Variants in NEBL observed in about 807,000 individuals in gnomAD.
NEBL encodes LIM and SH3 protein 2.
Under a neutral mutation model 140.2 loss-of-function variants are expected in NEBL, and 122 were observed. The observed-to-expected ratio is 0.87, with a 90% CI of 0.75 to 1.01. The LOEUF (loss-of-function observed/expected upper bound fraction) is 1.01, where lower values mean the gene tolerates loss of function less well. NEBL is among the 50% of genes least tolerant of loss of function. The pLI is 0.00. For missense variants in NEBL, 1,365 were observed against 1,231.3 expected (o/e 1.11, Z -1.62); for synonymous variants, 436 against 398.9 (o/e 1.09, Z -1.11).
upstream of NEBL, among the ~76,000 whole-genome samples, chr10:21,179,469 C>A (rs943640724): frequency 3.3e-5 from 5 of 151,862 alleles, no homozygotes; most frequent in East Asian, 9.7e-4. Context: ...CCCTACCAAT[C>A]AATGACCCCC....
chr10:21,001,545 G>A (rs139211769), intron 3 of NEBL, among the ~76,000 whole-genome samples: 93 of 152,202 alleles, frequency 6.1e-4, no homozygotes, highest in African/African-American at 2.1e-3. Flanking sequence ...TCAATTTTCA[G>A]TAATTAGGAG....
In NEBL at chr10:20,888,219, A is replaced by G. The variant is rs1846702495; in HGVS notation, c.259-12T>C. On this transcript the variant is annotated splice_polypyrimidine_tract_variant and intron_variant, in intron 3 of 27. Transcript: ENST00000377122. ...CCTTTGTATTTTGCCTGGGGGAAAA[A>G]AAAACAGGAAAAAAATAAATAAATA... 7 of 1,397,518 alleles carry G rather than the reference A, an allele frequency of 5.0e-6. No homozygotes were observed. The highest frequency in any genetic ancestry group is 1.7e-5 in the African/African-American group (1 of 60,448). The allele number at this position is 1,397,518 out of a possible 1,614,324, so 86.6% of individuals were successfully genotyped here.
chr10:21,219,541 G>A (rs1325443123), intron 3 of NEBL, among the ~76,000 whole-genome samples: 2 of 152,188 alleles, frequency 1.3e-5, no homozygotes, highest in East Asian at 1.9e-4. Flanking sequence ...AAATGAAGTA[G>A]TGTGATGCCT....
chr10:20,796,232 G>A (rs1836507831), intron 26 of NEBL, among the ~76,000 whole-genome samples: 2 of 151,858 alleles, frequency 1.3e-5, no homozygotes, highest in Admixed American at 1.3e-4. Context: ...GCGTAGTGGT[G>A]GGCGCCCGTT....
intron 3 of NEBL, among the ~76,000 whole-genome samples, chr10:21,183,816 G>A (rs1201096278): frequency 1.3e-5 from 2 of 152,072 alleles, no homozygotes; most frequent in Non-Finnish European, 2.9e-5. Context: ...CATGTGTTGT[G>A]GGAAGGACCC....
intron 12 of NEBL, among the ~76,000 whole-genome samples, chr10:20,841,803 T>C (rs1841431880): frequency 6.6e-6 from 1 of 152,084 alleles, no homozygotes; most frequent in Non-Finnish European, 1.5e-5. Flanking sequence ...TGGTTCTGTT[T>C]TCTCTATTGG....
chr10:21,263,476 T>C (rs984079085), intron 1 of NEBL, among the ~76,000 whole-genome samples: 1 of 151,726 alleles, frequency 6.6e-6, no homozygotes, highest in Non-Finnish European at 1.5e-5. Flanking sequence ...GCGGGGGAGG[T>C]TGTGAAACTT....
chr10:21,220,030 AG>A (rs1429899089), intron 3 of NEBL, among the ~76,000 whole-genome samples: 2 of 152,024 alleles, frequency 1.3e-5, no homozygotes, highest in African/African-American at 4.8e-5. Flanking sequence ...CTCCTACCTC[AG>A]CCTCCCAAGT....
In NEBL at chr10:20,787,231, T is replaced by C; in HGVS notation, c.2839A>G (p.Met947Val). 1.2e-6 allele frequency: 2 copies of C among 1,613,278 alleles called. No homozygotes were observed. The highest frequency in any genetic ancestry group is 1.7e-6 in the Non-Finnish European group (2 of 1,179,586). ...GYMHQTSVSSMRSMQHSPNLR... is the reference protein window; with the variant it reads ...GYMHQTSVSSVRSMQHSPNLR... ...TTTGGTGAATGCTGCATTGATCTCATGGATGACACACTGGTCTGGTGCATG... is the reference window on the plus strand; with the variant it reads ...TTTGGTGAATGCTGCATTGATCTCACGGATGACACACTGGTCTGGTGCATG... Residue 947 changes from methionine (M) to valine (V), a missense_variant, in exon 27 of 28, where the codon ATG becomes GTG. Coordinates refer to ENST00000377122, the MANE Select transcript of NEBL (RefSeq NM_006393.3).
intron 19 of NEBL, among the ~76,000 whole-genome samples, chr10:20,821,896 GGT>G (rs1839356103): frequency 6.6e-6 from 1 of 152,008 alleles, no homozygotes; most frequent in South Asian, 2.1e-4. Context: ...GAACATATTT[GGT>G]TTGCTCTGCC....
intron 25 of NEBL, 79 bp from the exon 26 acceptor site, chr10:20,808,738 T>G: frequency 2.8e-6 from 4 of 1,440,550 alleles, no homozygotes; most frequent in Non-Finnish European, 2.9e-6. Flanking sequence ...CTTAAAAGCT[T>G]AACAGAGAAG....
At chr10:21,220,785 A>C (rs1162109672) in intron 3 of NEBL, among the ~76,000 whole-genome samples, 1 of 152,212 alleles carries the variant, frequency 6.6e-6, no homozygotes, top group Non-Finnish European at 1.5e-5. Flanking sequence ...TATATAAGGA[A>C]CTCAACCAAT....
intron 26 of NEBL, chr10:20,793,342 T>C (rs1401240100): frequency 3.1e-6 from 3 of 974,916 alleles, no homozygotes; most frequent in South Asian, 9.5e-5. Context: ...CTGTTTTATA[T>C]GTTAAATCTT....
intron 4 of NEBL, among the ~76,000 whole-genome samples, chr10:20,909,075 C>T (rs1275310921): frequency 1.3e-5 from 2 of 152,050 alleles, no homozygotes; most frequent in East Asian, 1.9e-4. Context: ...TTGATCCAGG[C>T]ATACAATGCA....
chr10:21,127,010 A>G (rs1450818931), intron 2 of NEBL, among the ~76,000 whole-genome samples: 1 of 151,378 alleles, frequency 6.6e-6, no homozygotes, highest in South Asian at 2.1e-4. Flanking sequence ...CCACTGGCCA[A>G]AGATGGGACA....
intron 1 of NEBL, among the ~76,000 whole-genome samples, chr10:21,273,853 C>T (rs1842886716): frequency 6.6e-6 from 1 of 152,174 alleles, no homozygotes; most frequent in Admixed American, 6.5e-5. Flanking sequence ...ACCAACACCC[C>T]TTCTCCTTCA....
At chr10:20,930,963 T>C (rs540120479) in intron 4 of NEBL, among the ~76,000 whole-genome samples, 3 of 152,204 alleles carry the variant, frequency 2.0e-5, no homozygotes, top group South Asian at 4.2e-4. Flanking sequence ...ATACAAAACA[T>C]AGAAACAAAC....
Position 20,942,007 on chromosome 10 carries a change from C to T in NEBL, c.357+19665G>A, listed in dbSNP as rs900483456. Among the ~76,000 whole-genome samples the T allele has an allele frequency of 1.1e-4, 16 of 152,200 alleles. No individual in the cohort carries two copies. In the East Asian group the frequency reaches 1.5e-3, roughly 15 times the overall value. On this transcript the variant is annotated intron_variant, in intron 4 of 6. Coordinates refer to the NEBL transcript ENST00000417816. ...AGAATCAATATTGTGAAAATGGCCA[C>T]ACTGCCCAAGGTAATTTGTAGATTC...
intron 4 of NEBL, among the ~76,000 whole-genome samples, chr10:20,923,666 CAAAAAAAAAAA>C (rs71390799): frequency 0.057 from 1,605 of 28,364 alleles, 35 homozygotes; most frequent in South Asian, 0.094. Flanking sequence ...GACTCCGTCT[CAAAAAAAAAAA>C]AAAAAAAAAA....
Sources: gnomAD v4.1 joint callset for allele counts (sites outside exome capture counted in the v4.1 genomes callset) on GRCh38, gnomAD v4.1.1 for gene constraint, MANE v1.5 for transcripts, NCBI Gene and HGNC (gene_info 2026-07-23, HGNC 2026-07-21) for gene names.